The following CEP57L1 variants were observed in gnomAD, a reference collection of about 807,000 sequenced individuals.
CEP57L1 encodes the protein centrosomal protein CEP57L1.
In CEP57L1, 37 loss-of-function variants were observed where a neutral mutation model predicts 61.0. The ratio of observed to expected loss-of-function variants is 0.61; its 90% CI spans 0.47 to 0.80. CEP57L1 has a LOEUF of 0.80. Among genes scored for constraint, CEP57L1 ranks in the 30% least tolerant of loss-of-function variants. The probability of loss-of-function intolerance (pLI) is 0.00; values close to 1 mark genes in which losing one functional copy is unlikely to be tolerated. For missense variants in CEP57L1, 422 were observed against 524.7 expected, an observed-to-expected ratio of 0.80 and a Z score of 1.91; for synonymous variants, 137 against 162.3, an observed-to-expected ratio of 0.84 and a Z score of 1.19.
At chr6:109,097,659 A>G (rs1781869771) in intron 1 of CEP57L1, among the ~76,000 whole-genome samples, 1 of 152,238 alleles carries the variant, frequency 6.6e-6, no homozygotes, top group African/African-American at 2.4e-5. Flanking sequence ...AGGAGAGATA[A>G]TAAATAAATA....
Position 109,135,664 on chromosome 6 carries a change from A to T in CEP57L1, c.-3-9555A>T, listed in dbSNP as rs559476734. 7.4e-4 allele frequency among the ~76,000 whole-genome samples: 113 copies of T among 152,332 alleles called. 1 individual carries two copies. Among genetic ancestry groups the T allele is most frequent in the Middle Eastern group, 3.4e-3 (1 of 294 alleles). ...GGGAGGAAATTTTTGCAATCTACTC[A>T]TCTGACAAAGGGCTAATATCCAGAA... On this transcript the variant is annotated intron_variant, in intron 1 of 10. Transcript: ENST00000517392.
chr6:109,113,246 C>A (rs189742282), intron 1 of CEP57L1, among the ~76,000 whole-genome samples: 1 of 152,154 alleles, frequency 6.6e-6, no homozygotes, highest in East Asian at 1.9e-4. Context: ...GCCAATTTAT[C>A]TTCATAATTT....
At chr6:109,096,196 CG>C (rs1781689944) in intron 1 of CEP57L1, among the ~76,000 whole-genome samples, 2 of 152,218 alleles carry the variant, frequency 1.3e-5, no homozygotes. Flanking sequence ...GAGGTTTGAA[CG>C]GCCATCAGTG....
At chr6:109,144,784 T>G (rs1771778021) in intron 1 of CEP57L1, among the ~76,000 whole-genome samples, 1 of 152,100 alleles carries the variant, frequency 6.6e-6, no homozygotes, top group African/African-American at 2.4e-5. Context: ...ACATTAGAAT[T>G]CAACAATCAG....
At chr6:109,149,502 T>C (rs1235984214) in intron 3 of CEP57L1, among the ~76,000 whole-genome samples, 1 of 152,178 alleles carries the variant, frequency 6.6e-6, no homozygotes, top group Non-Finnish European at 1.5e-5. Flanking sequence ...ACCAGTACCA[T>C]GCTGTTTTGG....
intron 1 of CEP57L1, among the ~76,000 whole-genome samples, chr6:109,096,628 T>C (rs1781737220): frequency 6.6e-6 from 1 of 152,242 alleles, no homozygotes; most frequent in Admixed American, 6.5e-5. Flanking sequence ...TTACATCGTT[T>C]CTGTAAGTGA....
chr6:109,127,573 T>G (rs1022440697), intron 1 of CEP57L1, among the ~76,000 whole-genome samples: 10 of 152,132 alleles, frequency 6.6e-5, no homozygotes, highest in African/African-American at 2.4e-4. Context: ...TTTTTTTTCC[T>G]TCACTTGTCT....
At position 109,169,729 on chromosome 6, in the gene CEP57L1, G is replaced by C. The variant is rs1168275726; in HGVS notation, c.*6759G>C. 6.6e-6 allele frequency among the ~76,000 whole-genome samples: 1 copy of C among 152,134 alleles called. No homozygotes were observed. The highest frequency in any genetic ancestry group is 6.5e-5 in the Admixed American group (1 of 15,270). On this transcript the variant is annotated 3_prime_UTR_variant, in exon 11 of 11. Coordinates refer to ENST00000517392, the MANE Select transcript of CEP57L1 (RefSeq NM_001271852.3). ...ATTAAGAAAGAAATTTGCTCTGTAG[G>C]TGCTTCAGACAGTTTTACAACCAAT...
chr6:109,140,319 C>T (rs1771211340), intron 1 of CEP57L1: 1 of 151,804 alleles, frequency 6.6e-6, no homozygotes, highest in Admixed American at 6.6e-5. Context: ...TAACATTAAC[C>T]CTTTGTTCTT....
At position 109,167,155 on chromosome 6, in the gene CEP57L1, C is replaced by G. The variant is rs77326173; in HGVS notation, c.*4185C>G. On this transcript the variant is annotated 3_prime_UTR_variant, in exon 11 of 11. Transcript: ENST00000517392. Reference sequence around the variant, plus strand: ...TTCTCAATGCCTCAGCCTTTTTCTTCATATTCCATCTACTTGTTTTCATGT... The same window carrying G: ...TTCTCAATGCCTCAGCCTTTTTCTTGATATTCCATCTACTTGTTTTCATGT... Among the ~76,000 whole-genome samples the G allele has an allele frequency of 7.5e-3, 1,143 of 152,264 alleles. 17 individuals carry two copies. The highest frequency in any genetic ancestry group is 0.026 in the African/African-American group (1,094 of 41,548).
At chr6:109,112,593 A>C (rs7760310) in intron 1 of CEP57L1, among the ~76,000 whole-genome samples, 1 of 151,530 alleles carries the variant, frequency 6.6e-6, no homozygotes, top group African/African-American at 2.4e-5. Flanking sequence ...AGTTCTTTTC[A>C]TTGTGATGTT....
intron 1 of CEP57L1, among the ~76,000 whole-genome samples, chr6:109,134,137 G>A (rs1379898840): frequency 1.3e-5 from 2 of 152,142 alleles, no homozygotes; most frequent in South Asian, 4.1e-4. Context: ...CAATATCCCT[G>A]ATGAACATCG....
At position 109,173,160 on chromosome 6, in the gene CEP57L1, A is replaced by G. The variant is rs1001400095; in HGVS notation, c.*10190A>G. ...GGATACTTTTGTGTAATATTTAACC[A>G]TGTATACCATTGTTTGTGTACTTTT... is the stretch of plus-strand genomic sequence containing the variant. On this transcript the variant is annotated 3_prime_UTR_variant, in exon 11 of 11. Transcript: ENST00000517392. Among the ~76,000 whole-genome samples, 1 of 152,166 alleles carries G rather than the reference A, an allele frequency of 6.6e-6. No homozygotes were observed. The highest frequency in any genetic ancestry group is 1.5e-5 in the Non-Finnish European group (1 of 68,026).
rs1428592995 is a variant in CEP57L1 at position 109,171,006 on chromosome 6, C to T, written c.*8036C>T. On this transcript the variant is annotated 3_prime_UTR_variant, in exon 11 of 11. Coordinates refer to ENST00000517392, the MANE Select transcript of CEP57L1 (RefSeq NM_001271852.3). ...TTCTATTTTATGTATATAACTTCTC[C>T]TTTATAAGCTTAGAAAAATTTATAT... Among the ~76,000 whole-genome samples, 2 of 152,074 alleles carry T rather than the reference C, an allele frequency of 1.3e-5. No homozygotes were observed. The highest frequency in any genetic ancestry group is 4.8e-5 in the African/African-American group (2 of 41,422).
chr6:109,163,070 T>C lies in CEP57L1; in HGVS notation c.*100T>C, dbSNP rs116138206. 2.2e-3 allele frequency: 1,626 copies of C among 754,702 alleles called. 28 individuals are homozygous for C. The African/African-American group carries it at 0.026, about 12-fold the overall frequency. 46.8% of individuals were successfully genotyped at this position (754,702 alleles called of 1,614,324 possible). A position where few individuals can be genotyped will look rare whatever the true frequency, so the allele number is the denominator to read the frequency against. On this transcript the variant is annotated 3_prime_UTR_variant, in exon 11 of 11. Transcript: ENST00000517392. ...TATAACTTTGTGACATTTTGAATCA[T>C]GTTTCTAGTTTCTATAAAACATGAA...
chr6:109,155,387 T>C (rs1773116474), intron 6 of CEP57L1, 80 bp downstream of exon 6: 1 of 725,118 alleles, frequency 1.4e-6, no homozygotes, highest in African/African-American at 1.9e-5. Flanking sequence ...CTGAAGCCTA[T>C]GTTCTAGATT....
chr6:109,162,241 G>A (rs751536610), intron 10 of CEP57L1, among the ~76,000 whole-genome samples: 2 of 151,986 alleles, frequency 1.3e-5, no homozygotes, highest in African/African-American at 2.4e-5. Flanking sequence ...ACATACATAT[G>A]CACATGTGTG....
intron 1 of CEP57L1, among the ~76,000 whole-genome samples, chr6:109,139,249 A>G (rs74568326): frequency 0.017 from 2,532 of 152,300 alleles, 82 homozygotes; most frequent in African/African-American, 0.058. Context: ...AGATTTCATC[A>G]TCATGGTATT....
rs917843009 is a variant in CEP57L1, at chr6:109,095,508, A to T, written c.-71A>T. ...ACTACAACCCCCAGGGGCCACCGCG[A>T]CGTTGCCTGTGGGTGCCCGCGAACC... On this transcript the variant is annotated 5_prime_UTR_variant, in exon 1 of 11. Coordinates refer to ENST00000517392, the MANE Select transcript of CEP57L1 (RefSeq NM_001271852.3). The T allele has an allele frequency of 3.0e-6, 3 of 985,734 alleles. No individual in the cohort carries two copies. In the African/African-American group the frequency reaches 5.2e-5, roughly 17 times the overall value. The allele number at this position is 985,734 out of a possible 1,614,324, so 61.1% of individuals were successfully genotyped here. A position where few individuals can be genotyped will look rare whatever the true frequency, so the allele number is the denominator to read the frequency against.
Sources: allele counts gnomAD v4.1 joint callset (sites outside exome capture counted in the v4.1 genomes callset), GRCh38; gene constraint gnomAD v4.1.1; transcripts MANE v1.5; gene names NCBI Gene and HGNC (gene_info 2026-07-23, HGNC 2026-07-21).